GAS7: variants seen among roughly 807,000 people sequenced by gnomAD.
GAS7 encodes the protein growth arrest specific 7.
In GAS7, 28 loss-of-function variants were observed where a neutral mutation model predicts 71.1. The observed-to-expected ratio is 0.39, with a 90% CI of 0.29 to 0.54. GAS7 has a LOEUF of 0.54. Ranked by LOEUF, GAS7 falls within the 20% of genes least tolerant of loss-of-function variation. The probability of loss-of-function intolerance (pLI) is 0.62; values close to 1 mark genes in which losing one functional copy is unlikely to be tolerated. For missense variants in GAS7, 436 were observed against 627.8 expected, an observed-to-expected ratio of 0.69 and a Z score of 3.27; for synonymous variants, 258 against 245.8, an observed-to-expected ratio of 1.05 and a Z score of -0.46.
At chr17:9,940,633 C>A (rs2068569590) in intron 7 of GAS7, among the ~76,000 whole-genome samples, 1 of 152,204 alleles carries the variant, frequency 6.6e-6, no homozygotes, top group African/African-American at 2.4e-5. Context: ...TGGCCTCGGA[C>A]CCTCAGCAGC....
intron 1 of GAS7, among the ~76,000 whole-genome samples, chr17:10,104,881 G>T (rs995814813): frequency 6.6e-6 from 1 of 152,046 alleles, no homozygotes; most frequent in Non-Finnish European, 1.5e-5. Context: ...TTCTCACATT[G>T]CAGCCAGAGG....
At chr17:10,051,120 C>G (rs2073056158) in intron 1 of GAS7, among the ~76,000 whole-genome samples, 2 of 152,228 alleles carry the variant, frequency 1.3e-5, no homozygotes, top group Admixed American at 6.5e-5. Flanking sequence ...CTACAAACCT[C>G]ATCTTTTTTC....
chr17:10,045,948 T>C (rs962977488), intron 1 of GAS7, among the ~76,000 whole-genome samples: 2 of 152,154 alleles, frequency 1.3e-5, no homozygotes, highest in Non-Finnish European at 2.9e-5. Flanking sequence ...ATCTATGAAA[T>C]CACAGATTTG....
chr17:10,126,422 A>G (rs1033053761), intron 1 of GAS7, among the ~76,000 whole-genome samples: 2 of 151,380 alleles, frequency 1.3e-5, no homozygotes, highest in Non-Finnish European at 2.9e-5. Context: ...ACACGCACAC[A>G]CAAACACGCA....
intron 1 of GAS7, among the ~76,000 whole-genome samples, chr17:10,140,398 C>G (rs2074070674): frequency 6.6e-6 from 1 of 152,084 alleles, no homozygotes; most frequent in Non-Finnish European, 1.5e-5. Flanking sequence ...GGGGTTGAGG[C>G]TGCAGTGAGC....
intron 2 of GAS7, among the ~76,000 whole-genome samples, chr17:10,005,116 T>G (rs1056340726): frequency 1.0e-4 from 13 of 129,198 alleles, no homozygotes; most frequent in African/African-American, 4.2e-4. Flanking sequence ...TGTGTGCGTG[T>G]GCACGCATAC....
intron 2 of GAS7, among the ~76,000 whole-genome samples, chr17:9,998,678 A>AGAAAAGGAAAAG (rs368017485): frequency 2.3e-4 from 35 of 149,944 alleles, no homozygotes; most frequent in African/African-American, 6.9e-4. Context: ...ACAGAAAGAC[A>AGAAAAGGAAAAG]GAAAAGGAAA....
At position 9,942,994 on chromosome 17, in the gene GAS7, G is replaced by A. The variant is rs1009622117; in HGVS notation, c.731+127C>T. On this transcript the variant is annotated intron_variant, in intron 7 of 13. Transcript: ENST00000432992. ...CCATCCCAGGCGCCATGAGTTTGCC[G>A]CCTGGCGCTAACCAGCCCAATGCTG... is the stretch of plus-strand genomic sequence containing the variant. 1.6e-4 allele frequency: 99 copies of A among 601,258 alleles called. 1 individual carries two copies. Among genetic ancestry groups the A allele is most frequent in the Admixed American group, 7.8e-5 (3 of 38,312 alleles). The allele number at this position is 601,258 out of a possible 1,614,324, so 37.2% of individuals were successfully genotyped here. A position where few individuals can be genotyped will look rare whatever the true frequency, so the allele number is the denominator to read the frequency against.
At chr17:10,008,773 T>C (rs1041059788) in intron 2 of GAS7, among the ~76,000 whole-genome samples, 153 of 152,090 alleles carry the variant, frequency 1.0e-3, no homozygotes, top group African/African-American at 3.5e-3. Context: ...TGGCGCTCTC[T>C]CTCTCTCTCT....
chr17:10,089,277 A>G (rs940128508), intron 1 of GAS7, among the ~76,000 whole-genome samples: 1 of 152,226 alleles, frequency 6.6e-6, no homozygotes, highest in African/African-American at 2.4e-5. Flanking sequence ...AAATAACAGT[A>G]GAAAAAAAGA....
chr17:10,096,784 A>G (rs1319940294), intron 1 of GAS7, among the ~76,000 whole-genome samples: 1 of 152,258 alleles, frequency 6.6e-6, no homozygotes, highest in African/African-American at 2.4e-5. Flanking sequence ...CAAGTGAGAA[A>G]GCGCACATCC....
At chr17:10,004,298 C>A (rs2071383938) in intron 2 of GAS7, among the ~76,000 whole-genome samples, 2 of 152,198 alleles carry the variant, frequency 1.3e-5, no homozygotes, top group South Asian at 4.1e-4. Flanking sequence ...ATACTTGTTA[C>A]TTGATAATCA....
chr17:10,019,074 G>A (rs541411161), intron 2 of GAS7, among the ~76,000 whole-genome samples: 6 of 152,100 alleles, frequency 3.9e-5, no homozygotes, highest in Non-Finnish European at 7.3e-5. Context: ...AACCTGCCAC[G>A]TGGTGCATCC....
chr17:10,165,547 C>A (rs965718616), intron 1 of GAS7, among the ~76,000 whole-genome samples: 1 of 152,200 alleles, frequency 6.6e-6, no homozygotes, highest in Non-Finnish European at 1.5e-5. Context: ...ATTAGGCAGG[C>A]AAGCTTCGTC....
At chr17:10,162,443 C>A (rs1192942713) in intron 1 of GAS7, among the ~76,000 whole-genome samples, 3 of 151,956 alleles carry the variant, frequency 2.0e-5, no homozygotes, top group African/African-American at 7.3e-5. Flanking sequence ...GGTCCCCCCT[C>A]CCACTCATTC....
chr17:10,004,261 G>A (rs183933306), intron 2 of GAS7, among the ~76,000 whole-genome samples: 69 of 152,304 alleles, frequency 4.5e-4, no homozygotes, highest in African/African-American at 1.5e-3. Context: ...GTTAATTAGA[G>A]CCCAGCACAG....
chr17:10,154,913 TACACACACACACACACACACACACAC>T (rs57604032), intron 1 of GAS7, among the ~76,000 whole-genome samples: 3 of 141,960 alleles, frequency 2.1e-5, no homozygotes, highest in Non-Finnish European at 4.6e-5. Context: ...AACCCCAGGC[TACACACACACACACACACACACACAC>T]ACACACACAC....
chr17:9,936,027 A>T (rs1391729984), intron 8 of GAS7, among the ~76,000 whole-genome samples: 2 of 152,214 alleles, frequency 1.3e-5, no homozygotes, highest in Non-Finnish European at 2.9e-5. Flanking sequence ...CAAAGAGGTT[A>T]GGGTGTTTCC....
rs548231891 is a variant in GAS7 at position 10,085,902 on chromosome 17, T to C, written c.184-66005A>G. 7.9e-5 allele frequency among the ~76,000 whole-genome samples: 12 copies of C among 152,256 alleles called. No individual in the cohort carries two copies. In the South Asian group the frequency reaches 1.7e-3, roughly 21 times the overall value. ...GAGCTCCTGAGTGACAGAGCCAGAA[T>C]TGGAGCCAAATCTGTCTAACTTGAA... On this transcript the variant is annotated intron_variant, in intron 1 of 13. Transcript: ENST00000432992.
Sources: gnomAD v4.1 joint callset for allele counts (sites outside exome capture counted in the v4.1 genomes callset) on GRCh38, gnomAD v4.1.1 for gene constraint, MANE v1.5 for transcripts, NCBI Gene and HGNC (gene_info 2026-07-23, HGNC 2026-07-21) for gene names.